Variants in AGBL4 observed in about 807,000 individuals in gnomAD.
AGBL4 encodes the protein cytosolic carboxypeptidase 6.
A neutral mutation model predicts 66.4 loss-of-function variants in AGBL4; 58 were observed. The observed-to-expected ratio is 0.87, with a 90% confidence interval of 0.71 to 1.09. The LOEUF is 1.09. AGBL4 is among the 50% of genes least tolerant of loss of function. AGBL4 has a pLI of 0.00. For missense variants in AGBL4, 579 were observed against 631.0 expected, an observed-to-expected ratio of 0.92 and a Z score of 0.88; for synonymous variants, 234 against 222.9, an observed-to-expected ratio of 1.05 and a Z score of -0.44.
At chr1:49,160,818 A>G (rs1434222560) in intron 4 of AGBL4, among the ~76,000 whole-genome samples, 1 of 152,110 alleles carries the variant, frequency 6.6e-6, no homozygotes, top group East Asian at 1.9e-4. Context: ...GCTCCAACCA[A>G]TTCGAACTTC....
intron 3 of AGBL4, among the ~76,000 whole-genome samples, chr1:49,311,925 A>T (rs997851076): frequency 3.3e-5 from 5 of 152,114 alleles, no homozygotes; most frequent in African/African-American, 1.2e-4. Context: ...AACAGTATAG[A>T]AAGTCCTAAA....
intron 6 of AGBL4, among the ~76,000 whole-genome samples, chr1:48,844,228 C>T (rs1468000713): frequency 6.6e-6 from 1 of 152,156 alleles, no homozygotes; most frequent in Non-Finnish European, 1.5e-5. Context: ...CAAGACCTAA[C>T]CCACAGTTAA....
At chr1:48,966,274 A>T (rs1349796795) in intron 5 of AGBL4, among the ~76,000 whole-genome samples, 1 of 152,180 alleles carries the variant, frequency 6.6e-6, no homozygotes, top group Non-Finnish European at 1.5e-5. Flanking sequence ...TGATGCATTG[A>T]AAAAGGGGCC....
At position 49,906,741 on chromosome 1, in the gene AGBL4, G is replaced by T. The variant is rs547174677; in HGVS notation, c.35-55223C>A. Among the ~76,000 whole-genome samples, 3 of 151,262 alleles carry T rather than the reference G, an allele frequency of 2.0e-5. No individual in the cohort carries two copies. In the South Asian group the frequency reaches 6.3e-4, roughly 32 times the overall value. On this transcript the variant is annotated intron_variant, in intron 1 of 13. Coordinates refer to ENST00000371839, the MANE Select transcript of AGBL4 (RefSeq NM_032785.4). ...GTGTAAACTGCATATGTAAGTAAAC[G>T]TGTAAAGAAAGAAAATACTACTTTC...
chr1:49,099,433 C>A (rs1392351522), intron 4 of AGBL4, among the ~76,000 whole-genome samples: 2 of 152,074 alleles, frequency 1.3e-5, no homozygotes, highest in Non-Finnish European at 2.9e-5. Flanking sequence ...CACTAACTAC[C>A]AATAGGACCT....
rs143818451 is a variant in AGBL4, at chr1:48,992,300, C to T, written c.594+53284G>A. Among the ~76,000 whole-genome samples, 251 of 152,186 alleles carry T rather than the reference C, an allele frequency of 1.6e-3. 4 individuals are homozygous for T. Among genetic ancestry groups the T allele is most frequent in the African/African-American group, 5.4e-3 (226 of 41,536 alleles). On this transcript the variant is annotated intron_variant, in intron 5 of 13. Transcript: ENST00000371839. ...CTTGGAAAAGATCTGAAAGAATTAT[C>T]TGGATTACCAGACGGAGACTCTTGT... is the stretch of plus-strand genomic sequence containing the variant.
intron 3 of AGBL4, among the ~76,000 whole-genome samples, chr1:49,349,874 C>T (rs927783121): frequency 6.6e-6 from 1 of 152,096 alleles, no homozygotes; most frequent in Non-Finnish European, 1.5e-5. Flanking sequence ...GACACAGATA[C>T]GCATGTGCAC....
At chr1:49,225,412 C>A (rs1018197450) in intron 4 of AGBL4, among the ~76,000 whole-genome samples, 1 of 152,192 alleles carries the variant, frequency 6.6e-6, no homozygotes, top group Non-Finnish European at 1.5e-5. Flanking sequence ...AAGATACACG[C>A]TATTTAGCTT....
chr1:49,163,544 C>T (rs750833775), intron 4 of AGBL4, among the ~76,000 whole-genome samples: 5 of 152,202 alleles, frequency 3.3e-5, no homozygotes, highest in Non-Finnish European at 5.9e-5. Flanking sequence ...TTTTGCTGGA[C>T]TATGAGCCTC....
chr1:49,491,735 A>T (rs1443469855), intron 3 of AGBL4, among the ~76,000 whole-genome samples: 1 of 151,860 alleles, frequency 6.6e-6, no homozygotes, highest in Non-Finnish European at 1.5e-5. Context: ...TGAGCAACTT[A>T]TATGTGGGAC....
At chr1:49,810,367 A>C (rs1398527852) in intron 2 of AGBL4, among the ~76,000 whole-genome samples, 1 of 152,200 alleles carries the variant, frequency 6.6e-6, no homozygotes, top group African/African-American at 2.4e-5. Context: ...AAGTAACTAT[A>C]CTAGAAAGTA....
intron 3 of AGBL4, among the ~76,000 whole-genome samples, chr1:49,323,488 G>T (rs1645168422): frequency 6.8e-6 from 1 of 148,032 alleles, no homozygotes; most frequent in South Asian, 2.1e-4. Flanking sequence ...GTAGAGACGA[G>T]GTTTCACCAT....
At chr1:49,528,721 G>A (rs972246819) in intron 3 of AGBL4, among the ~76,000 whole-genome samples, 3 of 152,016 alleles carry the variant, frequency 2.0e-5, no homozygotes, top group African/African-American at 7.2e-5. Flanking sequence ...TAAGATGAGT[G>A]GGAGATTGGT....
chr1:49,045,487 G>A, intron 5 of AGBL4, 97 bp downstream of exon 5: 3 of 937,826 alleles, frequency 3.2e-6, no homozygotes, highest in Non-Finnish European at 4.9e-6. Flanking sequence ...GAAAGCACCA[G>A]TATTCATTAT....
intron 3 of AGBL4, among the ~76,000 whole-genome samples, chr1:49,541,724 G>A (rs759240359): frequency 3.3e-5 from 5 of 152,204 alleles, no homozygotes; most frequent in African/African-American, 7.2e-5. Flanking sequence ...AGGGAATGGC[G>A]GGCAGCTCCA....
At chr1:48,812,103 T>C (rs996490279) in intron 6 of AGBL4, among the ~76,000 whole-genome samples, 2 of 152,042 alleles carry the variant, frequency 1.3e-5, no homozygotes, top group Non-Finnish European at 2.9e-5. Flanking sequence ...GTGGGTCTGT[T>C]GTGTGGCTGG....
chr1:48,602,168 T>C (rs1283579204), intron 9 of AGBL4, among the ~76,000 whole-genome samples: 1 of 152,204 alleles, frequency 6.6e-6, no homozygotes, highest in East Asian at 1.9e-4. Flanking sequence ...TAATGATACA[T>C]GTCTAACCAC....
chr1:48,608,123 G>A (rs1458731848), intron 9 of AGBL4, among the ~76,000 whole-genome samples: 4 of 152,154 alleles, frequency 2.6e-5, no homozygotes, highest in East Asian at 1.9e-4. Context: ...GCCAATGATT[G>A]GAACTGCCTG....
chr1:49,124,388 T>C (rs1645723726), intron 4 of AGBL4, among the ~76,000 whole-genome samples: 1 of 152,220 alleles, frequency 6.6e-6, no homozygotes, highest in Admixed American at 6.5e-5. Flanking sequence ...GGAAGAGAAA[T>C]TTTCTACCAG....
Sources: allele counts gnomAD v4.1 joint callset (sites outside exome capture counted in the v4.1 genomes callset), GRCh38; gene constraint gnomAD v4.1.1; transcripts MANE v1.5; gene names NCBI Gene and HGNC (gene_info 2026-07-23, HGNC 2026-07-21).